FSAF1: variants seen among roughly 807,000 people sequenced by gnomAD.
FSAF1 encodes 40S small subunit processome assembly factor 1.
At chr1:231,228,199 T>G in the FSAF1 span, among the ~76,000 whole-genome samples, 1 of 152,230 alleles carries the variant, frequency 6.6e-6, no homozygotes, top group African/African-American at 2.4e-5. Flanking sequence ...ACGTGTTTTT[T>G]AAAACATTAC....
At chr1:231,225,151 GCAGGCTATA>G in the FSAF1 span, 1 of 365,846 alleles carries the variant, frequency 2.7e-6, no homozygotes, top group Non-Finnish European at 5.0e-6. Flanking sequence ...ATGTCAAAGA[GCAGGCTATA>G]CAGACCCAGA....
chr1:231,239,294 T>A, the FSAF1 span: 1 of 885,866 alleles, frequency 1.1e-6, no homozygotes, highest in Non-Finnish European at 1.6e-6. Flanking sequence ...TATATGCACC[T>A]AGAAGCACAC....
At chr1:231,232,170 G>A in the FSAF1 span, among the ~76,000 whole-genome samples, 2 of 152,064 alleles carry the variant, frequency 1.3e-5, no homozygotes, top group African/African-American at 4.8e-5. Flanking sequence ...CATAATACAT[G>A]ACCTGACTTA....
the FSAF1 span, among the ~76,000 whole-genome samples, chr1:231,228,527 A>G: frequency 2.7e-5 from 4 of 150,072 alleles, no homozygotes; most frequent in South Asian, 6.4e-4. Context: ...TGAACTCAGG[A>G]GCTGGAGGCT....
At chr1:231,238,841 C>T in the FSAF1 span, 15 of 1,600,076 alleles carry the variant, frequency 9.4e-6, no homozygotes, top group African/African-American at 1.9e-4. Context: ...TATATATAAG[C>T]TAACCAACTC....
At chr1:231,225,452 A>C in the FSAF1 span, 1 of 1,610,918 alleles carries the variant, frequency 6.2e-7, no homozygotes, top group Non-Finnish European at 8.5e-7. Flanking sequence ...CAACCCCAGG[A>C]CCTGATAAAA....
chr1:231,231,474 T>G, the FSAF1 span, among the ~76,000 whole-genome samples: 2 of 152,172 alleles, frequency 1.3e-5, no homozygotes, highest in African/African-American at 4.8e-5. Flanking sequence ...ACTGAAGTAA[T>G]GGCTAAATCA....
At chr1:231,234,383 G>C in the FSAF1 span, among the ~76,000 whole-genome samples, 8 of 152,210 alleles carry the variant, frequency 5.3e-5, no homozygotes, top group African/African-American at 1.9e-4. This position sits in a 1 kb window ranked among gnomAD's most constrained non-coding sequence, Gnocchi z 4.0. Context: ...ACACAGGTGT[G>C]TTAAGCTACA....
At chr1:231,229,182 C>G in the FSAF1 span, 1 of 1,584,956 alleles carries the variant, frequency 6.3e-7, no homozygotes, top group Non-Finnish European at 8.6e-7. Flanking sequence ...GTATCCACAT[C>G]TCTCTCCAAA....
chr1:231,235,282 C>T, the FSAF1 span, among the ~76,000 whole-genome samples: 22 of 152,232 alleles, frequency 1.4e-4, no homozygotes, highest in East Asian at 2.3e-3. Flanking sequence ...GGGCAGATCA[C>T]GAGGTCAAGA....
chr1:231,224,446 A>ATATT, the FSAF1 span: 1 of 1,579,274 alleles, frequency 6.3e-7, no homozygotes, highest in African/African-American at 1.4e-5. Context: ...GGTACTATAA[A>ATATT]TAGTCAAGCT....
chr1:231,224,636 A>G, the FSAF1 span: 4 of 492,152 alleles, frequency 8.1e-6, no homozygotes, highest in Non-Finnish European at 1.4e-5. Flanking sequence ...TTCTGCTACC[A>G]GCTCTTTCCA....
the FSAF1 span, chr1:231,241,131 T>C: frequency 6.2e-7 from 1 of 1,612,176 alleles, no homozygotes; most frequent in South Asian, 1.1e-5. Context: ...AGCCGAGGAA[T>C]CAACCCTCAT....
At chr1:231,228,645 T>C in the FSAF1 span, among the ~76,000 whole-genome samples, 2 of 151,642 alleles carry the variant, frequency 1.3e-5, no homozygotes, top group Non-Finnish European at 1.5e-5. Flanking sequence ...GCTTAACCAT[T>C]TTCCCAACTT....
At chr1:231,230,684 C>G in the FSAF1 span, among the ~76,000 whole-genome samples, 2 of 152,206 alleles carry the variant, frequency 1.3e-5, no homozygotes, top group Non-Finnish European at 2.9e-5. Flanking sequence ...CCTCATCCCC[C>G]ACCCCAGCCC....
chr1:231,226,728 A>G, the FSAF1 span: 23 of 1,589,426 alleles, frequency 1.4e-5, no homozygotes, highest in African/African-American at 4.0e-5. Flanking sequence ...AGGACAGACC[A>G]TCACACCTAC....
chr1:231,239,086 G>A, the FSAF1 span: 8 of 1,614,084 alleles, frequency 5.0e-6, 1 homozygote, highest in Admixed American at 1.0e-4. Context: ...ACCAGGTAGG[G>A]GAGATGGCTC....
chr1:231,241,149 C>A, the FSAF1 span: 2 of 1,604,520 alleles, frequency 1.2e-6, no homozygotes, highest in South Asian at 1.1e-5. Context: ...CATTCTGCCG[C>A]GCTGCACCCC....
the FSAF1 span, chr1:231,227,036 C>T: frequency 2.0e-4 from 321 of 1,614,094 alleles, no homozygotes; most frequent in African/African-American, 2.3e-3. Context: ...TTCCATAACC[C>T]GTGATACCAA....
Sources: allele counts gnomAD v4.1 joint callset (sites outside exome capture counted in the v4.1 genomes callset), GRCh38; gene constraint gnomAD v4.1.1; non-coding constraint Gnocchi (gnomAD v3.1); transcripts MANE v1.5; gene names NCBI Gene and HGNC (gene_info 2026-07-23, HGNC 2026-07-21).